RPTOR: variants seen among roughly 807,000 people sequenced by gnomAD.
The protein encoded by RPTOR is regulatory-associated protein of mTOR.
In RPTOR, 21 loss-of-function variants were observed where a neutral mutation model predicts 169.9. The observed-to-expected ratio is 0.12, with a 90% CI of 0.09 to 0.18. The LOEUF is 0.18. Ranked by LOEUF, RPTOR falls within the 10% of genes least tolerant of loss-of-function variation. The pLI is 1.00. For missense variants in RPTOR, 1,133 were observed against 1,855.9 expected, an observed-to-expected ratio of 0.61 and a Z score of 7.16; for synonymous variants, 732 against 753.2, an observed-to-expected ratio of 0.97 and a Z score of 0.46.
Position 80,962,934 on chromosome 17 carries a change from C to T in RPTOR, c.3816C>T (p.Ser1272=), listed in dbSNP as rs749408454. The change falls in exon 33 of 34, where the codon TCC becomes TCT. Residue 1272 remains serine (S), a synonymous_variant. Transcript: ENST00000306801. The part of the protein sequence containing the change: ...HPQADLIACG[S]VNQFTAIYNS... Reference sequence around the variant, plus strand: ...ACCCTTTCTCTCCCCACAGTGGCTCCGTCAATCAGTTCACCGCCATCTACA... The same window carrying T: ...ACCCTTTCTCTCCCCACAGTGGCTCTGTCAATCAGTTCACCGCCATCTACA... 51 of 1,613,494 alleles carry T rather than the reference C, an allele frequency of 3.2e-5. 1 individual carries two copies. The South Asian group carries it at 3.2e-4, about 10-fold the overall frequency.
At chr17:80,876,578 G>A (rs545689330) in intron 13 of RPTOR, among the ~76,000 whole-genome samples, 47 of 119,946 alleles carry the variant, frequency 3.9e-4, no homozygotes, top group Non-Finnish European at 7.2e-4. Context: ...TGTGTGTGTC[G>A]CCTGCCGGGT....
At chr17:80,862,971 G>T (rs2067937115) in intron 13 of RPTOR, among the ~76,000 whole-genome samples, 1 of 152,236 alleles carries the variant, frequency 6.6e-6, no homozygotes, top group East Asian at 1.9e-4. Flanking sequence ...GCCCACTCAG[G>T]CTGGGCCCAG....
At chr17:80,819,582 G>A (rs1225477008) in intron 7 of RPTOR, among the ~76,000 whole-genome samples, 5 of 152,144 alleles carry the variant, frequency 3.3e-5, no homozygotes, top group East Asian at 1.9e-4. Flanking sequence ...TCTTGCTTCC[G>A]GTTTAGGTAT....
At chr17:80,742,797 C>G (rs867219321) in intron 5 of RPTOR, among the ~76,000 whole-genome samples, 1 of 152,052 alleles carries the variant, frequency 6.6e-6, no homozygotes, top group African/African-American at 2.4e-5. Flanking sequence ...CACACATGCA[C>G]ACGCCTATAT....
intron 6 of RPTOR, among the ~76,000 whole-genome samples, chr17:80,758,713 G>A (rs993621594): frequency 6.6e-6 from 1 of 152,036 alleles, no homozygotes; most frequent in African/African-American, 2.4e-5. Context: ...CTGCATGACT[G>A]CTTTGGTGCC....
intron 24 of RPTOR, among the ~76,000 whole-genome samples, chr17:80,928,245 T>TA (rs112401140): frequency 4.0e-5 from 6 of 150,722 alleles, no homozygotes; most frequent in South Asian, 2.1e-4. Flanking sequence ...TTCTCTTGTT[T>TA]AAAAAAAAAA....
chr17:80,678,769 T>C (rs9972968), intron 3 of RPTOR, among the ~76,000 whole-genome samples: 27,345 of 151,954 alleles, frequency 0.18, 3,984 homozygotes, highest in African/African-American at 0.41. Flanking sequence ...GCCCTGGGAT[T>C]GCAGTATCGT....
rs984010770 is a variant in RPTOR, at chr17:80,650,261, T to C, written c.348+6451T>C. 3.9e-5 allele frequency among the ~76,000 whole-genome samples: 6 copies of C among 152,198 alleles called. No individual in the cohort carries two copies. The East Asian group carries it at 9.6e-4, about 24-fold the overall frequency. On this transcript the variant is annotated intron_variant, in intron 3 of 33. Transcript: ENST00000306801. ...TTGCTCTCCGAGGCCACCTAGGGGATTCACTAGAGAGCCCATTTGGGATTG... is the reference window on the plus strand; with the variant it reads ...TTGCTCTCCGAGGCCACCTAGGGGACTCACTAGAGAGCCCATTTGGGATTG...
At position 80,625,748 on chromosome 17, in the gene RPTOR, G is replaced by A. The variant is rs2065388413; in HGVS notation, c.220G>A (p.Asp74Asn). ...LCLNVGVDPP[D>N]VVKTTPCARL... ...CCTGAATGTTGGTGTGGACCCTCCCGATGTGGTGAAGACCACGCCCTGTGC... is the reference window on the plus strand; with the variant it reads ...CCTGAATGTTGGTGTGGACCCTCCCAATGTGGTGAAGACCACGCCCTGTGC... The change falls in exon 2 of 34, where the codon GAT (aspartate) becomes AAT (asparagine). Residue 74 changes from aspartate (D) to asparagine (N), a missense_variant. Around this residue, in one of 9 missense-constraint regions of RPTOR, gnomAD observed 4 missense variants for 30.6 expected, o/e 0.13. Coordinates refer to ENST00000306801, the MANE Select transcript of RPTOR (RefSeq NM_020761.3). The A allele has an allele frequency of 1.2e-6, 2 of 1,613,440 alleles. No individual in the cohort carries two copies. Among genetic ancestry groups the A allele is most frequent in the Non-Finnish European group, 1.7e-6 (2 of 1,179,896 alleles).
At chr17:80,763,163 T>C (rs1026225067) in intron 6 of RPTOR, among the ~76,000 whole-genome samples, 1 of 152,100 alleles carries the variant, frequency 6.6e-6, no homozygotes, top group Non-Finnish European at 1.5e-5. Context: ...GGAGGATCAG[T>C]TGAGCCCAGG....
At chr17:80,681,662 G>GTTGAATTTCATT (rs1567854330) in intron 3 of RPTOR, among the ~76,000 whole-genome samples, 99 of 85,028 alleles carry the variant, frequency 1.2e-3, no homozygotes, top group African/African-American at 3.2e-3. Context: ...CCTTCATGAG[G>GTTGAATTTCATT]TGTACGTCTC....
intron 23 of RPTOR, among the ~76,000 whole-genome samples, chr17:80,924,656 C>T (rs2068789727): frequency 6.6e-6 from 1 of 151,860 alleles, no homozygotes; most frequent in African/African-American, 2.4e-5. Context: ...AGCTCACCCA[C>T]CCGACCCCCC....
At chr17:80,714,569 A>G (rs545302208) in intron 4 of RPTOR, among the ~76,000 whole-genome samples, 1 of 152,350 alleles carries the variant, frequency 6.6e-6, no homozygotes, top group Admixed American at 6.5e-5. Context: ...TGAGTCAAAG[A>G]CAAAATCATA....
At chr17:80,798,801 G>T (rs946070703) in intron 7 of RPTOR, among the ~76,000 whole-genome samples, 1 of 152,204 alleles carries the variant, frequency 6.6e-6, no homozygotes, top group African/African-American at 2.4e-5. Flanking sequence ...TTTTTGAATA[G>T]TTGAGAGATT....
intron 7 of RPTOR, among the ~76,000 whole-genome samples, chr17:80,807,805 C>A (rs1035158783): frequency 3.9e-5 from 6 of 152,082 alleles, no homozygotes; most frequent in African/African-American, 1.4e-4. Flanking sequence ...CCATTAACTG[C>A]CAGATAGTAT....
chr17:80,696,558 T>A (rs998973165), intron 3 of RPTOR, among the ~76,000 whole-genome samples: 3 of 152,230 alleles, frequency 2.0e-5, no homozygotes, highest in African/African-American at 7.2e-5. Context: ...AGGGGCTGAC[T>A]GGGACCTGAG....
chr17:80,697,777 C>T (rs772852209), intron 3 of RPTOR, among the ~76,000 whole-genome samples: 1 of 152,206 alleles, frequency 6.6e-6, no homozygotes, highest in Non-Finnish European at 1.5e-5. Context: ...GGGTTTGTCT[C>T]AGGGGCCGGT....
intron 3 of RPTOR, among the ~76,000 whole-genome samples, chr17:80,674,505 G>A (rs556207209): frequency 1.1e-4 from 17 of 152,316 alleles, no homozygotes; most frequent in African/African-American, 3.6e-4. Context: ...TGGGGAAAAC[G>A]AACAGCCTCT....
chr17:80,628,821 GT>G (rs1424524339), intron 2 of RPTOR, among the ~76,000 whole-genome samples: 4 of 152,132 alleles, frequency 2.6e-5, no homozygotes, highest in Non-Finnish European at 4.4e-5. Context: ...TCTTGGATGT[GT>G]AGTTTGATGT....
Sources: gnomAD v4.1 joint callset for allele counts (sites outside exome capture counted in the v4.1 genomes callset) on GRCh38, gnomAD v4.1.1 for gene constraint, gnomAD v4.1.1 regional missense constraint, MANE v1.5 for transcripts, NCBI Gene and HGNC (gene_info 2026-07-23, HGNC 2026-07-21) for gene names.